Variants in COLGALT2 observed in about 807,000 individuals in gnomAD.
COLGALT2 encodes procollagen galactosyltransferase 2.
COLGALT2 carries 49 observed loss-of-function variants against 73.4 expected under a neutral mutation model. That is an observed-to-expected ratio of 0.67 (90% confidence interval 0.53 to 0.85). The LOEUF (loss-of-function observed/expected upper bound fraction) is 0.85. Among genes scored for constraint, COLGALT2 ranks in the 40% least tolerant of loss-of-function variants. The pLI, the probability that COLGALT2 is intolerant of heterozygous loss-of-function variation, is 0.00. For missense variants in COLGALT2, 722 were observed against 790.2 expected (o/e 0.91, Z 1.03); for synonymous variants, 295 against 307.6 (o/e 0.96, Z 0.43).
At chr1:183,930,788 C>G (rs1292721147) in intron 11 of COLGALT2, among the ~76,000 whole-genome samples, 2 of 151,932 alleles carry the variant, frequency 1.3e-5, no homozygotes, top group Non-Finnish European at 2.9e-5. Context: ...TGATGTGGTT[C>G]CTACTTTGAT....
At chr1:184,028,545 A>G (rs1465565287) in intron 1 of COLGALT2, among the ~76,000 whole-genome samples, 1 of 152,226 alleles carries the variant, frequency 6.6e-6, no homozygotes, top group African/African-American at 2.4e-5. Context: ...GGAAAGCTCT[A>G]TGTAAGGAAC....
chr1:183,981,137 T>G (rs1435860494), intron 1 of COLGALT2, among the ~76,000 whole-genome samples: 1 of 152,152 alleles, frequency 6.6e-6, no homozygotes, highest in Non-Finnish European at 1.5e-5. Context: ...ATTTAGTATA[T>G]GATAAGGGTG....
rs939117499 is a variant in COLGALT2 at position 183,937,871 on chromosome 1, C to T, written c.*890G>A. Reference sequence around the variant, plus strand: ...ACAGAACTCACACCTGCGGTGGGTTCCCAGGCTAAGGGGTGGAGCGGAGAG... The same window carrying T: ...ACAGAACTCACACCTGCGGTGGGTTTCCAGGCTAAGGGGTGGAGCGGAGAG... On this transcript the variant is annotated 3_prime_UTR_variant, in exon 12 of 12. Coordinates refer to ENST00000361927, the MANE Select transcript of COLGALT2 (RefSeq NM_015101.4). 12 of 985,346 alleles carry T rather than the reference C, an allele frequency of 1.2e-5. No individual in the cohort carries two copies. The highest frequency in any genetic ancestry group is 1.2e-5 in the Non-Finnish European group (10 of 829,950). 61.0% of individuals were successfully genotyped at this position (985,346 alleles called of 1,614,324 possible).
At chr1:183,929,990 G>A in exon 12 of COLGALT2, 1 of 266,604 alleles carries the variant, frequency 3.8e-6, no homozygotes, top group Non-Finnish European at 7.6e-6. Flanking sequence ...TCGCCATCTC[G>A]GTGTTTCCCT....
intron 7 of COLGALT2, 105 bp downstream of exon 7, chr1:183,954,657 C>A: frequency 1.2e-6 from 1 of 817,798 alleles, no homozygotes; most frequent in South Asian, 1.7e-5. Flanking sequence ...AGCAGCCAAG[C>A]CAGTCTTGCT....
chr1:183,933,412 G>T (rs996734968), downstream of COLGALT2, among the ~76,000 whole-genome samples: 1 of 152,148 alleles, frequency 6.6e-6, no homozygotes, highest in Admixed American at 6.5e-5. Flanking sequence ...TCTGCTCATG[G>T]TTTCCTCCCC....
chr1:184,031,804 C>A (rs1386254268), intron 1 of COLGALT2, among the ~76,000 whole-genome samples: 1 of 148,500 alleles, frequency 6.7e-6, no homozygotes, highest in African/African-American at 2.5e-5. Flanking sequence ...TAGAACAGTG[C>A]CTCCATGAAT....
At chr1:184,010,114 C>T (rs2378792) in intron 1 of COLGALT2, among the ~76,000 whole-genome samples, 66,453 of 151,944 alleles carry the variant, frequency 0.44, 19,390 homozygotes, top group African/African-American at 0.82. Flanking sequence ...TAGATTTTTT[C>T]ACCTAAAAAT....
chr1:184,015,496 G>A (rs771650639), intron 1 of COLGALT2, among the ~76,000 whole-genome samples: 4 of 152,140 alleles, frequency 2.6e-5, no homozygotes, highest in East Asian at 1.9e-4. Context: ...TCCAATTCCC[G>A]CCATTAGAGA....
rs114200019 is a variant in COLGALT2, at chr1:183,941,038, C to T, written c.1398-251G>A. 4.7e-4 allele frequency among the ~76,000 whole-genome samples: 72 copies of T among 152,194 alleles called. 1 individual carries two copies. The South Asian group carries it at 9.1e-3, about 19-fold the overall frequency. ...CCTGCCTAGTGGACGGTTTTCAAGA[C>T]GGAAAGTAAGATGTCGTAAGATTAA... On this transcript the variant is annotated intron_variant, in intron 10 of 11. Transcript: ENST00000361927.
chr1:183,957,142 A>C (rs1670574836), intron 6 of COLGALT2, among the ~76,000 whole-genome samples: 1 of 151,470 alleles, frequency 6.6e-6, no homozygotes, highest in Admixed American at 6.6e-5. Flanking sequence ...CAGAACCCAG[A>C]GTTCTGTGAG....
At chr1:183,979,238 T>C (rs1374343208) in intron 1 of COLGALT2, among the ~76,000 whole-genome samples, 1 of 152,104 alleles carries the variant, frequency 6.6e-6, no homozygotes, top group Non-Finnish European at 1.5e-5. Flanking sequence ...ATTTTCAAAT[T>C]GTATCACAAA....
At chr1:183,944,831 A>C (rs1670207247) in intron 9 of COLGALT2, among the ~76,000 whole-genome samples, 1 of 152,212 alleles carries the variant, frequency 6.6e-6, no homozygotes, top group Non-Finnish European at 1.5e-5. Flanking sequence ...ATTTCACTTA[A>C]AGTTTAAAGA....
chr1:183,942,199 C>T (rs565097314), intron 10 of COLGALT2, among the ~76,000 whole-genome samples: 3 of 152,184 alleles, frequency 2.0e-5, no homozygotes, highest in East Asian at 1.9e-4. Context: ...CCACCCGCCT[C>T]GGCCTCCCAA....
At chr1:183,986,221 C>T (rs10911482) in intron 1 of COLGALT2, among the ~76,000 whole-genome samples, 28,745 of 152,084 alleles carry the variant, frequency 0.19, 3,011 homozygotes, top group East Asian at 0.41. Flanking sequence ...TGGTTAAAGA[C>T]GTGAATATGG....
chr1:183,937,292 G>T lies in COLGALT2; in HGVS notation c.*1469C>A. Reference sequence around the variant, plus strand: ...ATGGGATGCCTGGGAGGGTTTTTCTGGAGACAAAAATTTACAGATTGAGGG... The same window carrying T: ...ATGGGATGCCTGGGAGGGTTTTTCTTGAGACAAAAATTTACAGATTGAGGG... On this transcript the variant is annotated 3_prime_UTR_variant, in exon 12 of 12. Transcript: ENST00000361927. The T allele has an allele frequency of 9.0e-7, 1 of 1,114,454 alleles. No individual in the cohort carries two copies. The highest frequency in any genetic ancestry group is 1.1e-6 in the Non-Finnish European group (1 of 914,000). 69.0% of individuals were successfully genotyped at this position (1,114,454 alleles called of 1,614,324 possible).
chr1:183,958,758 C>T (rs1413469636), intron 6 of COLGALT2, among the ~76,000 whole-genome samples: 1 of 149,868 alleles, frequency 6.7e-6, no homozygotes, highest in Admixed American at 6.7e-5. Context: ...CAAAAACCCT[C>T]TTGTTTTCAC....
chr1:183,938,891 G>A lies in COLGALT2; in HGVS notation c.1751C>T (p.Ala584Val). ...TSTIWDNETVATDWDRTHAWK... is the reference protein window; with the variant it reads ...TSTIWDNETVVTDWDRTHAWK... ...GGCATGTGTCCTATCCCAGTCGGTG[G>A]CCACTGTCTCATTGTCCCAGATGGT... Residue 584 changes from alanine to valine, a missense_variant, in exon 12 of 12, where the codon GCC (alanine) becomes GTC (valine). Ala to Val is a moderately conservative substitution (Grantham distance 64). Transcript: ENST00000361927. 1 of 1,614,136 alleles carries A rather than the reference G, an allele frequency of 6.2e-7. No homozygotes were observed. Among genetic ancestry groups the A allele is most frequent in the Non-Finnish European group, 8.5e-7 (1 of 1,180,024 alleles).
intron 1 of COLGALT2, among the ~76,000 whole-genome samples, chr1:184,009,921 G>A (rs1672188995): frequency 6.6e-6 from 1 of 152,114 alleles, no homozygotes; most frequent in Non-Finnish European, 1.5e-5. Context: ...TAAGTAACAC[G>A]AAAGCACTGA....
Sources: gnomAD v4.1 joint callset for allele counts (sites outside exome capture counted in the v4.1 genomes callset) on GRCh38, gnomAD v4.1.1 for gene constraint, MANE v1.5 for transcripts, NCBI Gene and HGNC (gene_info 2026-07-23, HGNC 2026-07-21) for gene names.